The following KCNMB2 variants were observed in gnomAD, a reference collection of about 807,000 sequenced individuals.
KCNMB2 encodes the protein calcium-activated potassium channel subunit beta-2.
KCNMB2 carries 9 observed loss-of-function variants against 24.5 expected under a neutral mutation model. The observed-to-expected ratio is 0.37, with a 90% CI of 0.22 to 0.64. The LOEUF (loss-of-function observed/expected upper bound fraction) is 0.64, where lower values mean the gene tolerates loss of function less well. Ranked by LOEUF, KCNMB2 falls within the 30% of genes least tolerant of loss-of-function variation. KCNMB2 has a pLI of 0.63. For synonymous variants in KCNMB2, 109 were observed against 104.4 expected (o/e 1.04, Z -0.27); for missense variants, 226 against 284.3 (o/e 0.79, Z 1.47).
chr3:178,660,313 AT>A (rs1306826777), intron 1 of KCNMB2, among the ~76,000 whole-genome samples: 67 of 152,250 alleles, frequency 4.4e-4, no homozygotes, highest in African/African-American at 1.5e-3. Context: ...AATAGTCATT[AT>A]TTTTATTATT....
chr3:178,558,924 A>G (rs1471632284), intron 1 of KCNMB2: 2 of 152,354 alleles, frequency 1.3e-5, no homozygotes, highest in East Asian at 3.9e-4. Flanking sequence ...GCATGTTGGA[A>G]AGAACTGAGA....
intron 1 of KCNMB2, among the ~76,000 whole-genome samples, chr3:178,706,632 C>T (rs1190463195): frequency 1.3e-5 from 2 of 152,094 alleles, no homozygotes; most frequent in African/African-American, 4.8e-5. Flanking sequence ...TTTGTAATCC[C>T]TCTGCCAGGC....
At chr3:178,762,085 C>G (rs1460927952) in intron 1 of KCNMB2, among the ~76,000 whole-genome samples, 39 of 152,250 alleles carry the variant, frequency 2.6e-4, no homozygotes, top group Middle Eastern at 3.4e-3. Flanking sequence ...GCAGGAGAAT[C>G]ACTTGAACCC....
intron 1 of KCNMB2, among the ~76,000 whole-genome samples, chr3:178,759,693 TATACAC>T (rs1209670209): frequency 1.9e-4 from 18 of 94,368 alleles, no homozygotes; most frequent in African/African-American, 3.3e-4. Flanking sequence ...AGAGGATATA[TATACAC>T]ATATATATAT....
chr3:178,669,932 T>C (rs1720843625), intron 1 of KCNMB2, among the ~76,000 whole-genome samples: 1 of 151,672 alleles, frequency 6.6e-6, no homozygotes, highest in Admixed American at 6.6e-5. Context: ...AAGCAGGAAG[T>C]GGATATACAG....
At chr3:178,739,304 C>T (rs1313953564) in intron 1 of KCNMB2, among the ~76,000 whole-genome samples, 1 of 152,090 alleles carries the variant, frequency 6.6e-6, no homozygotes, top group Non-Finnish European at 1.5e-5. Flanking sequence ...GAAGGAGAGA[C>T]TTCTATGTCA....
intron 1 of KCNMB2, among the ~76,000 whole-genome samples, chr3:178,628,969 C>T (rs1411295235): frequency 6.6e-6 from 1 of 152,146 alleles, no homozygotes. Context: ...CTCCTGATAT[C>T]ATCTCAACAA....
intron 1 of KCNMB2, among the ~76,000 whole-genome samples, chr3:178,684,593 C>T (rs970061128): frequency 5.3e-5 from 8 of 151,992 alleles, no homozygotes; most frequent in African/African-American, 9.7e-5. Flanking sequence ...TTTGGGAGTC[C>T]GAGGCGGGCA....
intron 1 of KCNMB2, among the ~76,000 whole-genome samples, chr3:178,697,371 CT>C (rs1559978567): frequency 6.6e-6 from 1 of 152,044 alleles, no homozygotes; most frequent in African/African-American, 2.4e-5. Context: ...CCTTTTTGGT[CT>C]TTTTTGATCT....
At chr3:178,700,573 C>T (rs900344208) in intron 1 of KCNMB2, among the ~76,000 whole-genome samples, 1 of 152,236 alleles carries the variant, frequency 6.6e-6, no homozygotes, top group South Asian at 2.1e-4. Context: ...AAGATATGCT[C>T]TGGATCCTCA....
At chr3:178,678,991 TGTTGTTGTTGTC>T (rs1272328994) in intron 1 of KCNMB2, among the ~76,000 whole-genome samples, 1 of 148,070 alleles carries the variant, frequency 6.8e-6, no homozygotes, top group East Asian at 1.9e-4. Context: ...ATTGGTTTGT[TGTTGTTGTTGTC>T]ATTGTTGTTC....
At chr3:178,614,293 A>ATATATATATATATATG (rs1560131728) in intron 1 of KCNMB2, among the ~76,000 whole-genome samples, 3 of 85,968 alleles carry the variant, frequency 3.5e-5, no homozygotes, top group Admixed American at 1.3e-4. Context: ...ATATATATAT[A>ATATATATATATATATG]TATGTATGTA....
chr3:178,666,421 T>C (rs1720720914), intron 1 of KCNMB2, among the ~76,000 whole-genome samples: 2 of 152,122 alleles, frequency 1.3e-5, no homozygotes, highest in South Asian at 4.1e-4. Context: ...CATGGTAATA[T>C]AGTTAGTTGA....
chr3:178,612,320 G>T (rs888438183), intron 1 of KCNMB2, among the ~76,000 whole-genome samples: 11 of 152,110 alleles, frequency 7.2e-5, no homozygotes, highest in Non-Finnish European at 1.5e-4. Flanking sequence ...CTTCTGTCAG[G>T]AAGATCCAAT....
intron 1 of KCNMB2, among the ~76,000 whole-genome samples, chr3:178,577,798 T>C (rs539394335): frequency 6.6e-6 from 1 of 151,910 alleles, no homozygotes; most frequent in Non-Finnish European, 1.5e-5. Flanking sequence ...ATCAACTTGA[T>C]GAAATAAAGT....
At chr3:178,718,163 C>A (rs1470761785) in intron 1 of KCNMB2, among the ~76,000 whole-genome samples, 1 of 152,192 alleles carries the variant, frequency 6.6e-6, no homozygotes, top group Non-Finnish European at 1.5e-5. Context: ...ACTCTGCATC[C>A]CTTCTGTGAT....
At chr3:178,762,671 G>T (rs970848184) in intron 1 of KCNMB2, among the ~76,000 whole-genome samples, 2 of 152,108 alleles carry the variant, frequency 1.3e-5, no homozygotes, top group African/African-American at 4.8e-5. Flanking sequence ...AACTGGGGTG[G>T]CAGTAGTGGT....
At chr3:178,550,699 G>C (rs953074286) in intron 1 of KCNMB2, among the ~76,000 whole-genome samples, 1 of 151,844 alleles carries the variant, frequency 6.6e-6, no homozygotes, top group Non-Finnish European at 1.5e-5. Context: ...GTATTAGCAG[G>C]GTTCCAATCT....
chr3:178,817,653 G>C (rs150700755), intron 2 of KCNMB2, among the ~76,000 whole-genome samples: 409 of 152,292 alleles, frequency 2.7e-3, no homozygotes, highest in Non-Finnish European at 4.9e-3. Flanking sequence ...GGGAACTAGA[G>C]GGTTCAGTGC....
Sources: gnomAD v4.1 joint callset for allele counts (sites outside exome capture counted in the v4.1 genomes callset) on GRCh38, gnomAD v4.1.1 for gene constraint, MANE v1.5 for transcripts, NCBI Gene and HGNC (gene_info 2026-07-23, HGNC 2026-07-21) for gene names.